GNG10: variants seen among roughly 807,000 people sequenced by gnomAD.
The protein encoded by GNG10 is G protein subunit gamma 10.
A neutral mutation model predicts 6.8 loss-of-function variants in GNG10; 7 were observed. That is an observed-to-expected ratio of 1.02 (90% CI 0.58 to 1.92). GNG10 has a LOEUF of 1.92. Among genes scored for constraint, GNG10 ranks in the 30% most tolerant of loss-of-function variants. GNG10 has a pLI of 0.00. For synonymous variants in GNG10, 28 were observed against 34.8 expected, an observed-to-expected ratio of 0.80 and a Z score of 0.69; for missense variants, 57 against 86.1, an observed-to-expected ratio of 0.66 and a Z score of 1.34.
At chr9:111,666,166 T>C (rs1830894685) in intron 1 of GNG10, among the ~76,000 whole-genome samples, 1 of 152,200 alleles carries the variant, frequency 6.6e-6, no homozygotes, top group Admixed American at 6.5e-5. Flanking sequence ...CTAATAGCTT[T>C]ATATGTGTGA....
rs1199646437 is a variant in GNG10, at chr9:111,666,838, T to C, written c.105T>C (p.Leu35=). The C allele has an allele frequency of 2.5e-6, 4 of 1,613,090 alleles. No individual in the cohort carries two copies. In the African/African-American group the frequency reaches 5.3e-5, roughly 22 times the overall value. The change falls in exon 2 of 3, where the codon CTT becomes CTC. Residue 35 remains leucine, a synonymous_variant. Transcript: ENST00000374293. ...RIKVSQAAAE[L]QQYCMQNACK... The stretch of plus-strand genomic sequence containing the variant: ...AGGTCTCTCAGGCAGCTGCAGAGCT[T>C]CAACAGTACTGTATGCAGAATGCCT...
chr9:111,665,687 T>C (rs940972685), intron 1 of GNG10, among the ~76,000 whole-genome samples: 18 of 152,126 alleles, frequency 1.2e-4, no homozygotes, highest in African/African-American at 4.3e-4. Context: ...GCCCTTTATT[T>C]CTACCACATT....
intron 1 of GNG10, among the ~76,000 whole-genome samples, chr9:111,663,012 G>A (rs529813203): frequency 2.6e-5 from 4 of 152,144 alleles, no homozygotes; most frequent in African/African-American, 9.6e-5. Context: ...GCTGGTAGAG[G>A]AGACAGGGCT....
At position 111,669,742 on chromosome 9, in the gene GNG10, A is replaced by G. The variant is rs1266650861; in HGVS notation, c.*480A>G. 1 of 99,984 alleles carries G rather than the reference A, an allele frequency of 1.0e-5. No homozygotes were observed. Among genetic ancestry groups the G allele is most frequent in the Non-Finnish European group, 1.9e-5 (1 of 52,260 alleles). The allele number at this position is 99,984 out of a possible 1,614,324, so 6.2% of individuals were successfully genotyped here. On this transcript the variant is annotated 3_prime_UTR_variant, in exon 3 of 3. Transcript: ENST00000374293. The stretch of plus-strand genomic sequence containing the variant: ...CTTTTGTCATGAATTTATAATTCCT[A>G]AATGAAGACCAGAAAGTACAAATTG...
At chr9:111,662,658 C>T (rs1288116186) in intron 1 of GNG10, among the ~76,000 whole-genome samples, 2 of 152,158 alleles carry the variant, frequency 1.3e-5, no homozygotes, top group East Asian at 1.9e-4. Flanking sequence ...TTGCTGTGTG[C>T]CTGGCACTGC....
intron 1 of GNG10, among the ~76,000 whole-genome samples, chr9:111,665,362 A>T (rs533129423): frequency 9.2e-5 from 14 of 152,318 alleles, no homozygotes; most frequent in African/African-American, 2.9e-4. Flanking sequence ...TAGTGGCTTA[A>T]AAGATTTATA....
chr9:111,667,863 TC>T (rs1224060156), intron 2 of GNG10, among the ~76,000 whole-genome samples: 3 of 152,126 alleles, frequency 2.0e-5, no homozygotes, highest in African/African-American at 7.2e-5. Context: ...ACAATGTGTT[TC>T]CCCCCTCATC....
chr9:111,663,620 G>T (rs1046684069), intron 1 of GNG10, among the ~76,000 whole-genome samples: 1 of 152,124 alleles, frequency 6.6e-6, no homozygotes, highest in African/African-American at 2.4e-5. Flanking sequence ...TAAAATTTCA[G>T]AAGTGGAGCA....
At position 111,669,994 on chromosome 9, in the gene GNG10, G is replaced by T. The variant is rs1019588993; in HGVS notation, c.*732G>T. 6.7e-6 allele frequency: 1 copy of T among 149,996 alleles called. No homozygotes were observed. Among genetic ancestry groups the T allele is most frequent in the African/African-American group, 2.5e-5 (1 of 40,420 alleles). 9.3% of individuals were successfully genotyped at this position (149,996 alleles called of 1,614,324 possible). On this transcript the variant is annotated 3_prime_UTR_variant, in exon 3 of 3. Transcript: ENST00000374293. Reference sequence around the variant, plus strand: ...CTTTGTAGTTGTGGCTGTACTTAAAGAAATACAGAATTTCATATATTTAAA... The same window carrying T: ...CTTTGTAGTTGTGGCTGTACTTAAATAAATACAGAATTTCATATATTTAAA...
chr9:111,662,628 C>G (rs1425053759), intron 1 of GNG10, among the ~76,000 whole-genome samples: 2 of 152,154 alleles, frequency 1.3e-5, no homozygotes, highest in Non-Finnish European at 1.5e-5. Flanking sequence ...CAGGATAGTC[C>G]CTGTGCCTCA....
At chr9:111,666,534 C>T (rs368196701) in intron 1 of GNG10, among the ~76,000 whole-genome samples, 191 of 152,216 alleles carry the variant, frequency 1.3e-3, no homozygotes, top group Non-Finnish European at 1.9e-3. Flanking sequence ...TTTCTTTACC[C>T]GTTCAGTCTC....
In GNG10 at chr9:111,661,716, G is replaced by T. The variant is rs550835337; in HGVS notation, c.81+1G>T. On this transcript the variant is annotated splice_donor_variant, in intron 1 of 2. Coordinates refer to ENST00000374293, the MANE Select transcript of GNG10 (RefSeq NM_001017998.4). LOFTEE classifies it high-confidence loss of function. This position sits in a 1 kb window ranked among gnomAD's most constrained non-coding sequence, Gnocchi z 6.1. ...GGAGGCTGGCGTGGAGAGGATCAAGGTGCGGGCCCCGGGTACCCACGCTCC... is the reference window on the plus strand; with the variant it reads ...GGAGGCTGGCGTGGAGAGGATCAAGTTGCGGGCCCCGGGTACCCACGCTCC... 5.2e-6 allele frequency: 7 copies of T among 1,349,922 alleles called. No homozygotes were observed. The Admixed American group carries it at 9.8e-5, about 19-fold the overall frequency. The allele number at this position is 1,349,922 out of a possible 1,614,324, so 83.6% of individuals were successfully genotyped here. A position where few individuals can be genotyped will look rare whatever the true frequency, so the allele number is the denominator to read the frequency against.
intron 1 of GNG10, among the ~76,000 whole-genome samples, chr9:111,665,569 A>G (rs1327818527): frequency 6.6e-6 from 1 of 152,120 alleles, no homozygotes; most frequent in African/African-American, 2.4e-5. Flanking sequence ...GTTCTCCTCT[A>G]CAAGACCTCC....
chr9:111,668,582 T>G (rs1830946213), intron 2 of GNG10, among the ~76,000 whole-genome samples: 1 of 151,994 alleles, frequency 6.6e-6, no homozygotes, highest in African/African-American at 2.4e-5. Flanking sequence ...CCTCCCAGGT[T>G]CAAGTAATTC....
intron 2 of GNG10, 28 bp downstream of exon 2, chr9:111,666,974 G>A: frequency 6.2e-7 from 1 of 1,611,716 alleles, no homozygotes; most frequent in Non-Finnish European, 8.5e-7. Flanking sequence ...ATGATGTCTT[G>A]GGCCCATAGC....
chr9:111,661,688 G>A lies in GNG10; in HGVS notation c.54G>A (p.Lys18=), dbSNP rs763943067. 12 of 1,385,320 alleles carry A rather than the reference G, an allele frequency of 8.7e-6. No homozygotes were observed. Among genetic ancestry groups the A allele is most frequent in the Non-Finnish European group, 1.1e-5 (12 of 1,049,262 alleles). The allele number at this position is 1,385,320 out of a possible 1,614,324, so 85.8% of individuals were successfully genotyped here. ...SALQRLVEQL[K]LEAGVERIKV... The stretch of plus-strand genomic sequence containing the variant: ...TGCAGCGCTTGGTAGAGCAGCTCAA[G>A]TTGGAGGCTGGCGTGGAGAGGATCA... The change falls in exon 1 of 3, where the codon AAG becomes AAA. Residue 18 remains lysine, a synonymous_variant. Coordinates refer to ENST00000374293, the MANE Select transcript of GNG10 (RefSeq NM_001017998.4). This position sits in a 1 kb window ranked among gnomAD's most constrained non-coding sequence, Gnocchi z 6.1.
intron 1 of GNG10, among the ~76,000 whole-genome samples, chr9:111,666,075 C>T (rs1830892984): frequency 6.6e-6 from 1 of 152,024 alleles, no homozygotes. Flanking sequence ...ATAGACTCTA[C>T]CTCTTCGTGG....
At chr9:111,668,930 C>T (rs1830955797) in intron 2 of GNG10, among the ~76,000 whole-genome samples, 2 of 152,038 alleles carry the variant, frequency 1.3e-5, no homozygotes, top group Non-Finnish European at 2.9e-5. Context: ...GATCTCAGCT[C>T]ACCACAACCT....
chr9:111,663,102 A>G (rs779830245), intron 1 of GNG10, among the ~76,000 whole-genome samples: 1 of 152,154 alleles, frequency 6.6e-6, no homozygotes, highest in Non-Finnish European at 1.5e-5. Context: ...ATAAGTTTCT[A>G]GATATGGGCT....
Sources: allele counts gnomAD v4.1 joint callset (sites outside exome capture counted in the v4.1 genomes callset), GRCh38; gene constraint gnomAD v4.1.1; non-coding constraint Gnocchi (gnomAD v3.1); transcripts MANE v1.5; gene names NCBI Gene and HGNC (gene_info 2026-07-23, HGNC 2026-07-21).